The following RYR3 variants were observed in gnomAD, a reference collection of about 807,000 sequenced individuals.
RYR3 encodes ryanodine receptor 3.
RYR3 carries 207 observed loss-of-function variants against 584.3 expected under a neutral mutation model. That is an observed-to-expected ratio of 0.35 (90% CI 0.32 to 0.40). The LOEUF (loss-of-function observed/expected upper bound fraction) is 0.40. Among genes scored for constraint, RYR3 ranks in the 10% least tolerant of loss-of-function variants. RYR3 has a pLI of 1.00. For missense variants in RYR3, 5,616 were observed against 6,089.2 expected (o/e 0.92, Z 2.59); for synonymous variants, 2,416 against 2,248.5 (o/e 1.07, Z -2.11).
At chr15:33,726,614 G>C in intron 46 of RYR3, 108 bp downstream of exon 46, 3 of 1,151,604 alleles carry the variant, frequency 2.6e-6, no homozygotes, top group Non-Finnish European at 3.6e-6. Flanking sequence ...TTGCAGGGCG[G>C]GCTGCACAGG....
intron 20 of RYR3, among the ~76,000 whole-genome samples, chr15:33,625,759 G>A (rs939154014): frequency 1.3e-4 from 20 of 152,150 alleles, no homozygotes; most frequent in Non-Finnish European, 2.9e-4. Context: ...AGAACAGATA[G>A]GAGATACGAT....
At chr15:33,434,864 C>T (rs1403417667) in intron 1 of RYR3, among the ~76,000 whole-genome samples, 2 of 152,148 alleles carry the variant, frequency 1.3e-5, no homozygotes, top group Non-Finnish European at 2.9e-5. Context: ...GTCTCCCAGG[C>T]TGGAGTGCAG....
intron 2 of RYR3, among the ~76,000 whole-genome samples, chr15:33,496,764 G>A (rs934207122): frequency 6.6e-6 from 1 of 152,042 alleles, no homozygotes; most frequent in Non-Finnish European, 1.5e-5. Flanking sequence ...CACCCCTCAG[G>A]CCAAGCTCTT....
At chr15:33,425,599 C>T (rs2044549289) in intron 1 of RYR3, among the ~76,000 whole-genome samples, 1 of 150,936 alleles carries the variant, frequency 6.6e-6, no homozygotes, top group Non-Finnish European at 1.5e-5. Context: ...TTTTCTGACA[C>T]CATTTGGTCT....
At chr15:33,518,943 T>C (rs1483979175) in intron 3 of RYR3, among the ~76,000 whole-genome samples, 1 of 152,146 alleles carries the variant, frequency 6.6e-6, no homozygotes, top group African/African-American at 2.4e-5. Flanking sequence ...GTTCTGGGGG[T>C]CTGCAAAGCA....
In RYR3 at chr15:33,731,421, C is replaced by G. The variant is rs187633431; in HGVS notation, c.7204-53C>G. 1.4e-3 allele frequency: 1,885 copies of G among 1,334,050 alleles called. 4 individuals are homozygous for G. The highest frequency in any genetic ancestry group is 1.4e-3 in the Non-Finnish European group (1,362 of 946,142). 82.6% of individuals were successfully genotyped at this position (1,334,050 alleles called of 1,614,324 possible). A position where few individuals can be genotyped will look rare whatever the true frequency, so the allele number is the denominator to read the frequency against. On this transcript the variant is annotated intron_variant, in intron 47 of 103. Transcript: ENST00000634891. The stretch of plus-strand genomic sequence containing the variant: ...ACATGGGAACTCTGTGCAGAGCCAG[C>G]TTTGCTCTGTTCCTCAGGGCAATTA...
intron 3 of RYR3, among the ~76,000 whole-genome samples, chr15:33,529,236 A>G (rs1193595188): frequency 6.6e-6 from 1 of 152,240 alleles, no homozygotes; most frequent in African/African-American, 2.4e-5. Context: ...TAGCTGTGGG[A>G]AAAAGCGCAG....
At position 33,449,112 on chromosome 15, in the gene RYR3, C is replaced by A. The variant is rs1267212185; in HGVS notation, c.52-24307C>A. Among the ~76,000 whole-genome samples, 4 of 152,114 alleles carry A rather than the reference C, an allele frequency of 2.6e-5. No homozygotes were observed. The South Asian group carries it at 8.3e-4, about 32-fold the overall frequency. On this transcript the variant is annotated intron_variant, in intron 1 of 103. Coordinates refer to ENST00000634891, the MANE Select transcript of RYR3 (RefSeq NM_001036.6). ...CTTCAACAAACTTATTACCTCAGTTCCTGTAGGCTTGGAATCTGGGTGTGG... is the reference window on the plus strand; with the variant it reads ...CTTCAACAAACTTATTACCTCAGTTACTGTAGGCTTGGAATCTGGGTGTGG...
chr15:33,389,610 C>T (rs191904812), intron 1 of RYR3, among the ~76,000 whole-genome samples: 1 of 152,240 alleles, frequency 6.6e-6, no homozygotes, highest in Non-Finnish European at 1.5e-5. Context: ...AATGGAGTGA[C>T]AATTATGACA....
At chr15:33,475,846 A>G (rs2049324338) in intron 2 of RYR3, among the ~76,000 whole-genome samples, 1 of 152,240 alleles carries the variant, frequency 6.6e-6, no homozygotes, top group South Asian at 2.1e-4. Context: ...TGATAAAACC[A>G]CTGGTTATTA....
intron 1 of RYR3, among the ~76,000 whole-genome samples, chr15:33,413,726 G>A (rs574929595): frequency 2.0e-5 from 3 of 152,198 alleles, no homozygotes; most frequent in African/African-American, 7.2e-5. Flanking sequence ...GTTCCCCCCC[G>A]CTCAGCTCTG....
intron 69 of RYR3, chr15:33,802,165 T>C (rs1381773889): frequency 1.4e-6 from 1 of 711,066 alleles, no homozygotes. Flanking sequence ...TATGAATAAA[T>C]AGCTGCTTGT....
At chr15:33,530,530 G>T in intron 3 of RYR3, 62 bp from the exon 4 acceptor site, 1 of 1,124,346 alleles carries the variant, frequency 8.9e-7, no homozygotes, top group Non-Finnish European at 1.3e-6. Context: ...TTATTGTGTT[G>T]CTTGGCTCCC....
At chr15:33,330,605 T>G (rs1970266011) in intron 1 of RYR3, among the ~76,000 whole-genome samples, 1 of 152,210 alleles carries the variant, frequency 6.6e-6, no homozygotes, top group Non-Finnish European at 1.5e-5. Context: ...TGAGTTGATT[T>G]GAATTAGAGT....
chr15:33,752,499 A>C (rs1288524858), intron 57 of RYR3, among the ~76,000 whole-genome samples: 6 of 152,070 alleles, frequency 3.9e-5, no homozygotes, highest in African/African-American at 1.4e-4. Flanking sequence ...GCAATTGTGA[A>C]TGGGAGTTCA....
intron 44 of RYR3, 150 bp downstream of exon 44, chr15:33,723,045 T>G: frequency 5.7e-6 from 4 of 700,592 alleles, no homozygotes; most frequent in Non-Finnish European, 9.3e-6. Context: ...AACAGTGTTG[T>G]CTTAACTCTC....
chr15:33,802,719 T>C (rs1485233027), intron 69 of RYR3, among the ~76,000 whole-genome samples: 1 of 152,232 alleles, frequency 6.6e-6, no homozygotes. Context: ...ATGTGATGTT[T>C]TGTTACCAGC....
chr15:33,808,787 C>G (rs2152941321), intron 70 of RYR3, among the ~76,000 whole-genome samples: 1 of 152,220 alleles, frequency 6.6e-6, no homozygotes, highest in East Asian at 1.9e-4. Context: ...TCTGGAACAC[C>G]AGGAGGCTCC....
At chr15:33,690,801 TATCA>T (rs2065364478) in intron 38 of RYR3, among the ~76,000 whole-genome samples, 1 of 152,210 alleles carries the variant, frequency 6.6e-6, no homozygotes, top group African/African-American at 2.4e-5. Flanking sequence ...GGATTATATC[TATCA>T]GTGTTTACCA....
Sources: gnomAD v4.1 joint callset for allele counts (sites outside exome capture counted in the v4.1 genomes callset) on GRCh38, gnomAD v4.1.1 for gene constraint, MANE v1.5 for transcripts, NCBI Gene and HGNC (gene_info 2026-07-23, HGNC 2026-07-21) for gene names.